XG: variants seen among roughly 807,000 people sequenced by gnomAD.
XG encodes glycoprotein Xg.
In XG, 24 loss-of-function variants were observed where a neutral mutation model predicts 25.7. The ratio of observed to expected loss-of-function variants is 0.93; its 90% CI spans 0.68 to 1.31. The LOEUF is 1.31. Ranked by LOEUF, XG falls within the 40% of genes most tolerant of loss-of-function variation. The pLI is 0.00. For synonymous variants in XG, 77 were observed against 69.2 expected, an observed-to-expected ratio of 1.11 and a Z score of -0.56; for missense variants, 181 against 187.6, an observed-to-expected ratio of 0.96 and a Z score of 0.21.
At chrX:2,776,003 C>A (rs1381816498) in intron 3 of XG, among the ~76,000 whole-genome samples, 1 of 150,696 alleles carries the variant, frequency 6.6e-6, no homozygotes, top group African/African-American at 2.4e-5. Context: ...AGAAATAATT[C>A]CCGGGGCCGG....
intron 3 of XG, among the ~76,000 whole-genome samples, chrX:2,775,968 A>AAAAAG (rs756481823): frequency 2.6e-4 from 11 of 42,616 alleles, no homozygotes; most frequent in Admixed American, 2.0e-3. Flanking sequence ...AAAAAAAAAA[A>AAAAAG]AAAAGAAAAG....
chrX:2,771,402 A>C (rs1034973212), intron 2 of XG, among the ~76,000 whole-genome samples: 5 of 152,072 alleles, frequency 3.3e-5, no homozygotes, highest in Admixed American at 6.6e-5. Context: ...TCTCCAGGGC[A>C]CTGAGGACCT....
At position 2,808,129 on chromosome X, in the gene XG, A is replaced by G. The variant is rs372871860; in HGVS notation, c.419-56A>G. The G allele has an allele frequency of 1.6e-4, 192 of 1,186,777 alleles. No individual in the cohort carries two copies. In the South Asian group the frequency reaches 2.7e-3, roughly 16 times the overall value. ...CGCATCCTCAACAGTGCCCGGCAATATAAGGCCCTCCATAAGCTCTGCTGA... is the reference window on the plus strand; with the variant it reads ...CGCATCCTCAACAGTGCCCGGCAATGTAAGGCCCTCCATAAGCTCTGCTGA... On this transcript the variant is annotated intron_variant, in intron 8 of 10. Transcript: ENST00000644266.
At chrX:2,807,550 GTA>G (rs1302664553) in intron 8 of XG, among the ~76,000 whole-genome samples, 3 of 110,828 alleles carry the variant, frequency 2.7e-5, no homozygotes, top group Non-Finnish European at 5.7e-5. Flanking sequence ...GTGTACATGT[GTA>G]TGTTTAGGCG....
intron 4 of XG, among the ~76,000 whole-genome samples, chrX:2,788,714 G>A (rs1358663938): frequency 9.1e-6 from 1 of 110,496 alleles, no homozygotes; most frequent in Non-Finnish European, 1.9e-5. Flanking sequence ...AATTGGCCAG[G>A]CGTGGTGGCA....
chrX:2,801,717 AT>A (rs200654423), intron 7 of XG, among the ~76,000 whole-genome samples: 2 of 107,595 alleles, frequency 1.9e-5, no homozygotes, highest in Non-Finnish European at 1.9e-5. Context: ...TTTATTTTTT[AT>A]TTTTTTTTGA....
At chrX:2,770,913 A>C (rs2050804201) in intron 2 of XG, among the ~76,000 whole-genome samples, 1 of 152,182 alleles carries the variant, frequency 6.6e-6, no homozygotes, top group African/African-American at 2.4e-5. Flanking sequence ...TGGTGCAATC[A>C]TAGCTTACCA....
At chrX:2,787,902 CT>C (rs2086799671) in intron 4 of XG, among the ~76,000 whole-genome samples, 1 of 75,979 alleles carries the variant, frequency 1.3e-5, no homozygotes, top group African/African-American at 6.5e-5. Context: ...AGCAAAACTC[CT>C]TCTCAAAAAA....
chrX:2,756,471 A>G (rs376819361), intron 1 of XG, among the ~76,000 whole-genome samples: 1 of 152,232 alleles, frequency 6.6e-6, no homozygotes, highest in Non-Finnish European at 1.5e-5. Flanking sequence ...TGAAGGAAAG[A>G]CAAATATTTA....
Position 2,811,392 on chromosome X carries a change from C to T in XG, c.511C>T (p.Leu171=), listed in dbSNP as rs868275680. The T allele has an allele frequency of 8.3e-7, 1 of 1,204,697 alleles. No homozygotes were observed. Among genetic ancestry groups the T allele is most frequent in the African/African-American group, 1.8e-5 (1 of 56,537 alleles). ...CGTATCCGTGGTGGTGGTGACACTG[C>T]TGGGAGCAGCAGCCAGTTATTTCAA... The part of the protein sequence containing the change: ...PIVSVVVVTL[L]GAAASYFKLN... The change falls in exon 10 of 11, where the codon CTG becomes TTG. Residue 171 remains leucine (L), a synonymous_variant. Transcript: ENST00000644266.
intron 7 of XG, among the ~76,000 whole-genome samples, chrX:2,801,763 C>T (rs753349137): frequency 8.4e-4 from 93 of 110,802 alleles, no homozygotes; most frequent in African/African-American, 2.6e-3. Context: ...GGCTGGAGTG[C>T]AGTGGCGTCA....
At chrX:2,759,723 G>T (rs1569458084) in intron 1 of XG, among the ~76,000 whole-genome samples, 1 of 152,098 alleles carries the variant, frequency 6.6e-6, no homozygotes, top group African/African-American at 2.4e-5. Flanking sequence ...TCCTGTGAGG[G>T]CCCCCCTCAT....
chrX:2,763,362 A>G (rs980149144), intron 1 of XG, among the ~76,000 whole-genome samples: 5 of 151,808 alleles, frequency 3.3e-5, no homozygotes, highest in African/African-American at 1.2e-4. Flanking sequence ...AGGAACCCAG[A>G]CCCCCACCAA....
At chrX:2,777,466 G>C (rs2124475320) in intron 3 of XG, among the ~76,000 whole-genome samples, 1 of 152,246 alleles carries the variant, frequency 6.6e-6, no homozygotes. Flanking sequence ...TGTGGTGAAT[G>C]CCTGTAGTCC....
chrX:2,754,711 T>C (rs1421256400), intron 1 of XG, among the ~76,000 whole-genome samples: 1 of 152,180 alleles, frequency 6.6e-6, no homozygotes, highest in East Asian at 1.9e-4. Context: ...GCATCCACCA[T>C]GGGAGAAAGA....
chrX:2,776,137 G>GCCACA (rs112316188), intron 3 of XG, among the ~76,000 whole-genome samples: 88,223 of 151,436 alleles, frequency 0.58, 26,424 homozygotes, highest in Middle Eastern at 0.71. Flanking sequence ...TTAGAAAAAC[G>GCCACA]CTTTGAGACA....
intron 1 of XG, among the ~76,000 whole-genome samples, chrX:2,768,333 C>T (rs1355874498): frequency 2.0e-5 from 3 of 152,192 alleles, no homozygotes; most frequent in Non-Finnish European, 4.4e-5. Flanking sequence ...ATAGCCGGGA[C>T]GCTTAACTTT....
chrX:2,770,935 C>T (rs897408521), intron 2 of XG, among the ~76,000 whole-genome samples: 2 of 152,102 alleles, frequency 1.3e-5, no homozygotes, highest in African/African-American at 4.8e-5. Flanking sequence ...ATAGCCTCGA[C>T]TTCCTGGCTC....
At chrX:2,795,595 C>CATGTGT (rs1181147843) in intron 6 of XG, among the ~76,000 whole-genome samples, 3 of 110,074 alleles carry the variant, frequency 2.7e-5, no homozygotes, top group Non-Finnish European at 5.7e-5. Context: ...TTTATATATA[C>CATGTGT]ATGTGTATAT....
Sources: gnomAD v4.1 joint callset for allele counts (sites outside exome capture counted in the v4.1 genomes callset) on GRCh38, gnomAD v4.1.1 for gene constraint, MANE v1.5 for transcripts, NCBI Gene and HGNC (gene_info 2026-07-23, HGNC 2026-07-21) for gene names.